PFKFB3: variants seen among roughly 807,000 people sequenced by gnomAD.
PFKFB3 encodes 6-phosphofructo-2-kinase/fructose-2,6-bisphosphatase 3.
In PFKFB3, 33 loss-of-function variants were observed where a neutral mutation model predicts 68.0. That is an observed-to-expected ratio of 0.49 (90% CI 0.37 to 0.65). The LOEUF (loss-of-function observed/expected upper bound fraction) is 0.65, where lower values mean the gene tolerates loss of function less well. Among genes scored for constraint, PFKFB3 ranks in the 30% least tolerant of loss-of-function variants. The probability of loss-of-function intolerance (pLI) is 0.00; values close to 1 mark genes in which losing one functional copy is unlikely to be tolerated. For missense variants in PFKFB3, 586 were observed against 712.2 expected (o/e 0.82, Z 2.02); for synonymous variants, 315 against 288.2 (o/e 1.09, Z -0.94).
At chr10:6,161,189 T>G (rs11598511) in intron 1 of PFKFB3, among the ~76,000 whole-genome samples, 98,716 of 152,028 alleles carry the variant, frequency 0.65, 34,029 homozygotes, top group Non-Finnish European at 0.79. Context: ...ACCTGCCTTG[T>G]CCTCCCAAAG....
In PFKFB3 at chr10:6,228,233, G is replaced by C. The variant is rs766225986; in HGVS notation, c.1515+1868G>C. 1.2e-6 allele frequency: 2 copies of C among 1,612,518 alleles called. No homozygotes were observed. Among genetic ancestry groups the C allele is most frequent in the Admixed American group, 1.7e-5 (1 of 60,020 alleles). Reference sequence around the variant, plus strand: ...CAAGCCTGTCTGTAAGTATCTCTCCGATCATCGCTGCTGCTTGCACTGCTT... The same window carrying C: ...CAAGCCTGTCTGTAAGTATCTCTCCCATCATCGCTGCTGCTTGCACTGCTT... On this transcript the variant is annotated intron_variant, in intron 14 of 14. Transcript: ENST00000379775. The surrounding 1 kb of genome is among the most constrained non-coding windows in gnomAD (Gnocchi z 4.5).
At chr10:6,223,371 C>CA (rs1845096629) in intron 11 of PFKFB3, among the ~76,000 whole-genome samples, 1 of 152,234 alleles carries the variant, frequency 6.6e-6, no homozygotes, top group African/African-American at 2.4e-5. Flanking sequence ...TTAGCATGTC[C>CA]AGTCCAGTGC....
downstream of PFKFB3, among the ~76,000 whole-genome samples, chr10:6,254,944 C>T (rs1490718345): frequency 6.7e-6 from 1 of 148,952 alleles, no homozygotes; most frequent in Admixed American, 6.7e-5. Flanking sequence ...CAGCCTCCCG[C>T]GTAGCTGGGA....
chr10:6,326,408 A>C, the PFKFB3 span: 1 of 389,350 alleles, frequency 2.6e-6, no homozygotes, highest in South Asian at 1.9e-5. Context: ...CCTATGTAGC[A>C]AACCTGCACA....
chr10:6,184,643 G>T (rs1057462676), intron 1 of PFKFB3, among the ~76,000 whole-genome samples: 5 of 151,420 alleles, frequency 3.3e-5, no homozygotes, highest in Admixed American at 2.0e-4. Context: ...GCTAATTTTT[G>T]TATTTTCAGT....
chr10:6,207,617 G>T (rs1226394101), intron 1 of PFKFB3, among the ~76,000 whole-genome samples: 2 of 152,206 alleles, frequency 1.3e-5, no homozygotes, highest in Non-Finnish European at 2.9e-5. Context: ...GCTGAAGAGG[G>T]TGTCTAGGAC....
In PFKFB3 at chr10:6,208,371, C is replaced by CTTT. The variant is rs35447462; in HGVS notation, c.76+5055_76+5057dup. 5.6e-4 allele frequency among the ~76,000 whole-genome samples: 34 copies of CTTT among 60,634 alleles called. 3 individuals carry two copies. The highest frequency in any genetic ancestry group is 0.014 in the Middle Eastern group (1 of 70). The allele number at this position is 60,634 out of a possible 152,430, so 39.8% of individuals were successfully genotyped here. Reference sequence around the variant, plus strand: ...ACAGGTGTAAGCCAGGGTACCTGGCCTTTTTTTTTTTTTTTTTTTTTTGCC... The same window carrying CTTT: ...ACAGGTGTAAGCCAGGGTACCTGGCCTTTTTTTTTTTTTTTTTTTTTTTTTGCC... On this transcript the variant is annotated intron_variant, in intron 1 of 14. Coordinates refer to ENST00000379775, the MANE Select transcript of PFKFB3 (RefSeq NM_004566.4).
rs1313083328 is a variant in PFKFB3 at position 6,220,800 on chromosome 10, G to A, written c.766G>A (p.Glu256Lys). 5.0e-6 allele frequency: 8 copies of A among 1,613,916 alleles called. No homozygotes were observed. The highest frequency in any genetic ancestry group is 2.2e-5 in the South Asian group (2 of 91,084). Residue 256 changes from glutamate (E) to lysine (K), a missense_variant, in exon 8 of 15, where the codon GAG becomes AAG. Coordinates refer to ENST00000379775, the MANE Select transcript of PFKFB3 (RefSeq NM_004566.4). This position sits in a 1 kb window ranked among gnomAD's most constrained non-coding sequence, Gnocchi z 4.1. ...TACCATCTACCTGTGCCGGCACGGC[G>A]AGAACGAGCACAACCTCCAGGGCCG... ...PRTIYLCRHG[E>K]NEHNLQGRIG...
intron 1 of PFKFB3, among the ~76,000 whole-genome samples, chr10:6,192,795 A>G (rs2131826865): frequency 6.6e-6 from 1 of 152,244 alleles, no homozygotes; most frequent in South Asian, 2.1e-4. Context: ...GAATCTATTC[A>G]GACATCTGGG....
chr10:6,203,030 C>T lies in PFKFB3; in HGVS notation c.-231C>T. On this transcript the variant is annotated 5_prime_UTR_variant, in exon 1 of 15. Coordinates refer to ENST00000379775, the MANE Select transcript of PFKFB3 (RefSeq NM_004566.4). Reference sequence around the variant, plus strand: ...AGAGCTTTCCGAGCGGACGAGCCGGCCGTGCCGGGCATCCCCAGCCTCGCT... The same window carrying T: ...AGAGCTTTCCGAGCGGACGAGCCGGTCGTGCCGGGCATCCCCAGCCTCGCT... The T allele has an allele frequency of 7.3e-7, 1 of 1,373,612 alleles. No homozygotes were observed. Among genetic ancestry groups the T allele is most frequent in the African/African-American group, 1.5e-5 (1 of 64,890 alleles). 85.1% of individuals were successfully genotyped at this position (1,373,612 alleles called of 1,614,324 possible).
intron 14 of PFKFB3, among the ~76,000 whole-genome samples, chr10:6,245,038 G>T (rs1441243956): frequency 6.6e-6 from 1 of 152,188 alleles, no homozygotes; most frequent in East Asian, 1.9e-4. Context: ...CTCACAGAGG[G>T]AAAGCGAGGT....
chr10:6,302,747 T>TAC, the PFKFB3 span, among the ~76,000 whole-genome samples: 1 of 100,082 alleles, frequency 1.0e-5, no homozygotes, highest in South Asian at 4.1e-4. Flanking sequence ...TATGTGTGTG[T>TAC]ATACACACAC....
At chr10:6,175,115 G>A (rs1278444565) in intron 1 of PFKFB3, among the ~76,000 whole-genome samples, 1 of 152,152 alleles carries the variant, frequency 6.6e-6, no homozygotes, top group Non-Finnish European at 1.5e-5. Context: ...CCCCCAGACT[G>A]TTTTGTTTCT....
the PFKFB3 span, among the ~76,000 whole-genome samples, chr10:6,318,529 G>A: frequency 2.6e-5 from 4 of 152,188 alleles, no homozygotes; most frequent in East Asian, 1.9e-4. Context: ...CTGCCTGCAC[G>A]CCCGAGGCTG....
chr10:6,245,243 T>C (rs574428204), intron 14 of PFKFB3, among the ~76,000 whole-genome samples: 31 of 152,062 alleles, frequency 2.0e-4, no homozygotes, highest in South Asian at 6.2e-4. Context: ...ATTACAGGCA[T>C]ACGCCACCAT....
chr10:6,249,266 A>T (rs1404356907), intron 14 of PFKFB3, among the ~76,000 whole-genome samples: 3 of 152,082 alleles, frequency 2.0e-5, no homozygotes, highest in African/African-American at 7.2e-5. Context: ...GCCACTATGA[A>T]AAATTGTATA....
At chr10:6,283,994 A>G in the PFKFB3 span, among the ~76,000 whole-genome samples, 1 of 152,196 alleles carries the variant, frequency 6.6e-6, no homozygotes. Context: ...GAGACAGAGC[A>G]GAGAGCTTCC....
At chr10:6,190,978 C>T (rs1473735320) in intron 1 of PFKFB3, among the ~76,000 whole-genome samples, 1 of 152,094 alleles carries the variant, frequency 6.6e-6, no homozygotes, top group Non-Finnish European at 1.5e-5. Flanking sequence ...GGAGTTTCTC[C>T]ATATTGGCCA....
chr10:6,150,422 G>A (rs970878817), intron 1 of PFKFB3, among the ~76,000 whole-genome samples: 6 of 152,100 alleles, frequency 3.9e-5, no homozygotes, highest in Non-Finnish European at 7.3e-5. Flanking sequence ...CCAGGCGTTC[G>A]AGACCAGCCT....
Sources: gnomAD v4.1 joint callset for allele counts (sites outside exome capture counted in the v4.1 genomes callset) on GRCh38, gnomAD v4.1.1 for gene constraint, Gnocchi (gnomAD v3.1) non-coding constraint, MANE v1.5 for transcripts, NCBI Gene and HGNC (gene_info 2026-07-23, HGNC 2026-07-21) for gene names.